The following ZDHHC14 variants were observed in gnomAD, a reference collection of about 807,000 sequenced individuals.
ZDHHC14 encodes the protein palmitoyltransferase ZDHHC14.
Under a neutral mutation model 47.7 loss-of-function variants are expected in ZDHHC14, and 16 were observed. The ratio of observed to expected loss-of-function variants is 0.34; its 90% CI spans 0.23 to 0.51. ZDHHC14 has a LOEUF of 0.51. Among genes scored for constraint, ZDHHC14 ranks in the 20% least tolerant of loss-of-function variants. The probability of loss-of-function intolerance (pLI) is 0.97; values close to 1 mark genes in which losing one functional copy is unlikely to be tolerated. For missense variants in ZDHHC14, 515 were observed against 662.5 expected, an observed-to-expected ratio of 0.78 and a Z score of 2.44; for synonymous variants, 293 against 278.9, an observed-to-expected ratio of 1.05 and a Z score of -0.50.
At chr6:157,612,843 G>GA (rs67622838) in intron 3 of ZDHHC14, among the ~76,000 whole-genome samples, 29,598 of 147,444 alleles carry the variant, frequency 0.2, 3,024 homozygotes, top group South Asian at 0.24. Context: ...CTCTCTTAGA[G>GA]AAAAAAAAAA....
chr6:157,600,150 A>G (rs1162806470), intron 3 of ZDHHC14, among the ~76,000 whole-genome samples: 1 of 152,210 alleles, frequency 6.6e-6, no homozygotes, highest in Non-Finnish European at 1.5e-5. Flanking sequence ...ATTTCACCAA[A>G]ATAGTATAAC....
intron 1 of ZDHHC14, among the ~76,000 whole-genome samples, chr6:157,511,547 C>CTTTTTTTTT (rs34988240): frequency 8.1e-4 from 93 of 114,848 alleles, no homozygotes; most frequent in African/African-American, 2.3e-3. Context: ...AGCCCGGGTA[C>CTTTTTTTTT]TTTTTTTTTT....
chr6:157,407,626 T>G (rs1005015753), intron 1 of ZDHHC14, among the ~76,000 whole-genome samples: 1 of 152,142 alleles, frequency 6.6e-6, no homozygotes, highest in Non-Finnish European at 1.5e-5. Context: ...TAAAAGAGAA[T>G]TAAAAAAAGG....
chr6:157,567,122 G>A (rs1338914719), intron 2 of ZDHHC14, among the ~76,000 whole-genome samples: 1 of 152,106 alleles, frequency 6.6e-6, no homozygotes, highest in Non-Finnish European at 1.5e-5. Context: ...AAAGTGCTGA[G>A]ATTACACGCG....
chr6:157,492,749 A>G (rs1429939547), intron 1 of ZDHHC14, among the ~76,000 whole-genome samples: 3 of 152,184 alleles, frequency 2.0e-5, no homozygotes, highest in Non-Finnish European at 4.4e-5. Context: ...CGGGAGGGGA[A>G]GACCAGGAGG....
chr6:157,471,639 C>G (rs974506579), intron 1 of ZDHHC14, among the ~76,000 whole-genome samples: 1 of 152,206 alleles, frequency 6.6e-6, no homozygotes, highest in Admixed American at 6.5e-5. Flanking sequence ...GTAAGAAAAC[C>G]AAACCTACTT....
At chr6:157,540,074 C>A (rs1562469496) in intron 1 of ZDHHC14, among the ~76,000 whole-genome samples, 1 of 152,208 alleles carries the variant, frequency 6.6e-6, no homozygotes. Context: ...AGTTAGAGAA[C>A]CCGGCAGGCA....
intron 1 of ZDHHC14, among the ~76,000 whole-genome samples, chr6:157,494,335 T>C (rs1459968507): frequency 6.6e-6 from 1 of 152,190 alleles, no homozygotes; most frequent in African/African-American, 2.4e-5. Flanking sequence ...GACCTTCCCC[T>C]GCACCCTCTG....
At chr6:157,635,517 G>T (rs1776929260) in intron 5 of ZDHHC14, among the ~76,000 whole-genome samples, 1 of 152,220 alleles carries the variant, frequency 6.6e-6, no homozygotes, top group African/African-American at 2.4e-5. Context: ...CTATGTACTT[G>T]ACAATGATAT....
intron 2 of ZDHHC14, among the ~76,000 whole-genome samples, chr6:157,556,819 G>A (rs1038248288): frequency 6.6e-6 from 1 of 152,228 alleles, no homozygotes; most frequent in Non-Finnish European, 1.5e-5. Flanking sequence ...CCAGCTGAAG[G>A]ACAGGCCCGG....
At chr6:157,457,993 C>T (rs928610620) in intron 1 of ZDHHC14, among the ~76,000 whole-genome samples, 2 of 152,244 alleles carry the variant, frequency 1.3e-5, no homozygotes, top group African/African-American at 4.8e-5. Context: ...AGCATATCTG[C>T]TTAGACTGGC....
intron 1 of ZDHHC14, among the ~76,000 whole-genome samples, chr6:157,511,286 A>C (rs1023686158): frequency 1.3e-5 from 2 of 151,706 alleles, no homozygotes; most frequent in South Asian, 4.2e-4. Context: ...CTTTTAGTTT[A>C]TTTGCTTCCT....
intron 1 of ZDHHC14, among the ~76,000 whole-genome samples, chr6:157,399,828 G>A (rs770360148): frequency 3.9e-5 from 6 of 152,220 alleles, no homozygotes; most frequent in Non-Finnish European, 8.8e-5. Context: ...CTTTCTGCAG[G>A]TGCAGGTCCA....
At chr6:157,529,034 T>C (rs1489215752) in intron 1 of ZDHHC14, 3 of 154,482 alleles carry the variant, frequency 1.9e-5, no homozygotes, top group South Asian at 4.1e-4. Context: ...AAGAGTTTCA[T>C]TGAAAGTATA....
chr6:157,405,528 G>T (rs774904960), intron 1 of ZDHHC14, among the ~76,000 whole-genome samples: 1 of 152,062 alleles, frequency 6.6e-6, no homozygotes, highest in Non-Finnish European at 1.5e-5. Flanking sequence ...CACCGTGCCT[G>T]GCCGAGCTCA....
intron 1 of ZDHHC14, among the ~76,000 whole-genome samples, chr6:157,465,251 T>C (rs1300252661): frequency 6.6e-6 from 1 of 152,168 alleles, no homozygotes; most frequent in Admixed American, 6.5e-5. Flanking sequence ...TGTGTTAGTT[T>C]CAGATTATAC....
At chr6:157,474,011 C>T (rs1192482360) in intron 1 of ZDHHC14, among the ~76,000 whole-genome samples, 8 of 136,092 alleles carry the variant, frequency 5.9e-5, no homozygotes, top group Middle Eastern at 4.4e-3. Context: ...TTTTTTGAGA[C>T]GGAGTCTCGC....
At chr6:157,557,824 T>C (rs929026318) in intron 2 of ZDHHC14, among the ~76,000 whole-genome samples, 9 of 152,230 alleles carry the variant, frequency 5.9e-5, no homozygotes, top group African/African-American at 2.2e-4. Flanking sequence ...GCCCATGCTG[T>C]GCAATCCGGG....
chr6:157,381,566 C>T lies in ZDHHC14; in HGVS notation c.-456C>T, dbSNP rs1777209851. The T allele has an allele frequency of 5.0e-6, 2 of 398,658 alleles. No individual in the cohort carries two copies. The highest frequency in any genetic ancestry group is 1.7e-5 in the South Asian group (1 of 59,458). The allele number at this position is 398,658 out of a possible 1,614,324, so 24.7% of individuals were successfully genotyped here. ...CCTGGCCGCGCCGCAGAAGTGGCTCCCGAGGAAGCCGGCGCCGGGGCCGCC... is the reference window on the plus strand; with the variant it reads ...CCTGGCCGCGCCGCAGAAGTGGCTCTCGAGGAAGCCGGCGCCGGGGCCGCC... On this transcript the variant is annotated 5_prime_UTR_variant, in exon 1 of 9. Coordinates refer to ENST00000359775, the MANE Select transcript of ZDHHC14 (RefSeq NM_024630.3).
Sources: allele counts gnomAD v4.1 joint callset (sites outside exome capture counted in the v4.1 genomes callset), GRCh38; gene constraint gnomAD v4.1.1; transcripts MANE v1.5; gene names NCBI Gene and HGNC (gene_info 2026-07-23, HGNC 2026-07-21).